EFNB3: variants seen among roughly 807,000 people sequenced by gnomAD.
EFNB3 encodes the protein ephrin-B3.
A neutral mutation model predicts 29.8 loss-of-function variants in EFNB3; 14 were observed. That is an observed-to-expected ratio of 0.47 (90% CI 0.31 to 0.73). EFNB3 has a LOEUF of 0.73. Ranked by LOEUF, EFNB3 falls within the 30% of genes least tolerant of loss-of-function variation. The pLI is 0.05. For missense variants in EFNB3, 408 were observed against 458.0 expected, an observed-to-expected ratio of 0.89 and a Z score of 1.00; for synonymous variants, 216 against 191.6, an observed-to-expected ratio of 1.13 and a Z score of -1.05.
chr17:7,705,541 C>A lies in EFNB3; in HGVS notation c.-58C>A. ...AGCCAGGCAGCCAAGGCAGCCACCC[C>A]GGGGGGTGGGCGACTTTGGGGGAGT... is the stretch of plus-strand genomic sequence containing the variant. On this transcript the variant is annotated 5_prime_UTR_variant, in exon 1 of 5. Coordinates refer to ENST00000226091, the MANE Select transcript of EFNB3 (RefSeq NM_001406.4). The surrounding 1 kb of genome is among the most constrained non-coding windows in gnomAD (Gnocchi z 5.4). The A allele has an allele frequency of 1.9e-6, 2 of 1,069,374 alleles. No individual in the cohort carries two copies. Among genetic ancestry groups the A allele is most frequent in the Non-Finnish European group, 2.5e-6 (2 of 787,150 alleles). 66.2% of individuals were successfully genotyped at this position (1,069,374 alleles called of 1,614,324 possible).
Position 7,710,968 on chromosome 17 carries a change from A to G in EFNB3, c.*1392A>G, listed in dbSNP as rs940812685. The G allele has an allele frequency of 7.9e-5, 12 of 152,638 alleles. No individual in the cohort carries two copies. The highest frequency in any genetic ancestry group is 2.9e-4 in the African/African-American group (12 of 41,434). The allele number at this position is 152,638 out of a possible 1,614,324, so 9.5% of individuals were successfully genotyped here. A position where few individuals can be genotyped will look rare whatever the true frequency, so the allele number is the denominator to read the frequency against. On this transcript the variant is annotated 3_prime_UTR_variant, in exon 5 of 5. Transcript: ENST00000226091. The stretch of plus-strand genomic sequence containing the variant: ...AACACAGTTCCCTTCTTAGTGACCA[A>G]AATGGTGGCCTACTGGCTGGTCTAG...
chr17:7,706,977 G>T (rs900597988), intron 1 of EFNB3, among the ~76,000 whole-genome samples: 2 of 152,176 alleles, frequency 1.3e-5, no homozygotes, highest in African/African-American at 4.8e-5. Flanking sequence ...GTGAGTATCA[G>T]GTGTGTAGCT....
chr17:7,709,440 C>A lies in EFNB3; in HGVS notation c.887C>A (p.Ala296Asp). 2 of 1,613,352 alleles carry A rather than the reference C, an allele frequency of 1.2e-6. No individual in the cohort carries two copies. The highest frequency in any genetic ancestry group is 1.7e-6 in the Non-Finnish European group (2 of 1,179,610). The change falls in exon 5 of 5, where the codon GCT becomes GAT. Residue 296 changes from alanine (A) to aspartate (D), a missense_variant. Ala to Asp is a moderately radical substitution (Grantham distance 126, BLOSUM62 -2). Coordinates refer to ENST00000226091, the MANE Select transcript of EFNB3 (RefSeq NM_001406.4). The surrounding 1 kb of genome is among the most constrained non-coding windows in gnomAD (Gnocchi z 4.5). ...GCTGAGCCTGGGGAGCTAGGGATAG[C>A]TCTGCGGGGTGGCGGGGCTGCAGAT... Reference protein sequence around the residue: ...REAEPGELGIALRGGGAADPP... With the variant: ...REAEPGELGIDLRGGGAADPP...
chr17:7,709,280 G>A lies in EFNB3; in HGVS notation c.727G>A (p.Ala243Thr). 1.3e-6 allele frequency: 2 copies of A among 1,582,618 alleles called. No homozygotes were observed. Among genetic ancestry groups the A allele is most frequent in the Non-Finnish European group, 8.6e-7 (1 of 1,168,272 alleles). ...GCTGGCGCTGCTCTTGCTGGGCGTG[G>A]CAGGGGCTGGGGGTGCCATGTGTTG... Reference protein sequence around the residue: ...GGLALLLLGVAGAGGAMCWRR... With the variant: ...GGLALLLLGVTGAGGAMCWRR... The change falls in exon 5 of 5, where the codon GCA (alanine) becomes ACA (threonine). Residue 243 changes from alanine to threonine, a missense_variant. By Grantham distance (58) the Ala-to-Thr change is moderately conservative. Coordinates refer to ENST00000226091, the MANE Select transcript of EFNB3 (RefSeq NM_001406.4). The surrounding 1 kb of genome is among the most constrained non-coding windows in gnomAD (Gnocchi z 4.5).
rs199860628 is a variant in EFNB3 at position 7,707,948 on chromosome 17, C to A, written c.123-10C>A. On this transcript the variant is annotated splice_polypyrimidine_tract_variant and intron_variant, in intron 1 of 4. Transcript: ENST00000226091. The stretch of plus-strand genomic sequence containing the variant: ...TCTCTTCCTTGTCCACCTTACCCTC[C>A]TCCCCATAGGTTCCAGGCAGAGGGT... 2.4e-5 allele frequency: 39 copies of A among 1,598,920 alleles called. No individual in the cohort carries two copies. The African/African-American group carries it at 4.8e-4, about 20-fold the overall frequency.
rs771347429 is a variant in EFNB3, at chr17:7,707,386, A to G, written c.123-572A>G. On this transcript the variant is annotated intron_variant, in intron 1 of 4. Transcript: ENST00000226091. ...TAGACCCTGGTTCCCATCAGCCCCA[A>G]TGATGGTCGTGGCCAAACCAGGCAT... Among the ~76,000 whole-genome samples the G allele has an allele frequency of 4.8e-4, 73 of 152,328 alleles. 1 individual carries two copies. Among genetic ancestry groups the G allele is most frequent in the Middle Eastern group, 3.4e-3 (1 of 294 alleles).
rs200891657 is a variant in EFNB3 at position 7,707,929 on chromosome 17, C to A, written c.123-29C>A. 12 of 1,574,574 alleles carry A rather than the reference C, an allele frequency of 7.6e-6. No homozygotes were observed. In the East Asian group the frequency reaches 2.5e-4, roughly 32 times the overall value. On this transcript the variant is annotated intron_variant, in intron 1 of 4. Transcript: ENST00000226091. ...GGGGGCCAGGCCTCTGACATCTCTTCCTTGTCCACCTTACCCTCCTCCCCA... is the reference window on the plus strand; with the variant it reads ...GGGGGCCAGGCCTCTGACATCTCTTACTTGTCCACCTTACCCTCCTCCCCA...
rs1567583943 is a variant in EFNB3 at position 7,709,753 on chromosome 17, C to T, written c.*177C>T. 1.4e-6 allele frequency: 1 copy of T among 709,446 alleles called. No individual in the cohort carries two copies. Among genetic ancestry groups the T allele is most frequent in the Admixed American group, 2.5e-5 (1 of 40,042 alleles). The allele number at this position is 709,446 out of a possible 1,614,324, so 43.9% of individuals were successfully genotyped here. On this transcript the variant is annotated 3_prime_UTR_variant, in exon 5 of 5. Transcript: ENST00000226091. The surrounding 1 kb of genome is among the most constrained non-coding windows in gnomAD (Gnocchi z 4.5). ...TAGGATTCCTTAGGATTCCCACTGC[C>T]CCACTTCCTGCCCTCCCGTTTGGCC...
At chr17:7,707,904 G>C in intron 1 of EFNB3, 54 bp from the exon 2 acceptor site, 1 of 1,537,056 alleles carries the variant, frequency 6.5e-7, no homozygotes, top group Non-Finnish European at 8.8e-7. Context: ...GGAAAGTTCT[G>C]GGGGCCAGGC....
intron 1 of EFNB3, among the ~76,000 whole-genome samples, chr17:7,706,798 T>C (rs1180864753): frequency 6.6e-6 from 1 of 152,228 alleles, no homozygotes; most frequent in Non-Finnish European, 1.5e-5. Context: ...GAATGTATTA[T>C]GTGCTCATTA....
chr17:7,705,577 C>A lies in EFNB3; in HGVS notation c.-22C>A. 2.2e-6 allele frequency: 3 copies of A among 1,356,978 alleles called. No homozygotes were observed. The highest frequency in any genetic ancestry group is 2.9e-6 in the Non-Finnish European group (3 of 1,027,632). 84.1% of individuals were successfully genotyped at this position (1,356,978 alleles called of 1,614,324 possible). A position where few individuals can be genotyped will look rare whatever the true frequency, so the allele number is the denominator to read the frequency against. On this transcript the variant is annotated 5_prime_UTR_variant, in exon 1 of 5. Transcript: ENST00000226091. This position sits in a 1 kb window ranked among gnomAD's most constrained non-coding sequence, Gnocchi z 5.4. ...CGACTTTGGGGGAGTTGGTGCCCCG[C>A]CCCCCAGGCCTTGGCGGGGTCATGG...
rs781311832 is a variant in EFNB3, at chr17:7,708,294, A to G, written c.415+44A>G. ...CACGATTGAGTGGGGGGCTCCTGATACTGAGCAGAGAGGGAGGGGGACCCC... is the reference window on the plus strand; with the variant it reads ...CACGATTGAGTGGGGGGCTCCTGATGCTGAGCAGAGAGGGAGGGGGACCCC... On this transcript the variant is annotated intron_variant, in intron 2 of 4. Transcript: ENST00000226091. The surrounding 1 kb of genome is among the most constrained non-coding windows in gnomAD (Gnocchi z 6.8). 1.3e-6 allele frequency: 2 copies of G among 1,597,296 alleles called. No homozygotes were observed. Among genetic ancestry groups the G allele is most frequent in the East Asian group, 4.5e-5 (2 of 44,768 alleles).
chr17:7,710,411 G>C lies in EFNB3; in HGVS notation c.*835G>C, dbSNP rs1326823192. On this transcript the variant is annotated 3_prime_UTR_variant, in exon 5 of 5. Coordinates refer to ENST00000226091, the MANE Select transcript of EFNB3 (RefSeq NM_001406.4). ...ATGCTGAATGGGCCACTTGGGACCG[G>C]AAGTGACTTGCTCCAGACAAGAGGT... 2 of 152,718 alleles carry C rather than the reference G, an allele frequency of 1.3e-5. No homozygotes were observed. The highest frequency in any genetic ancestry group is 2.9e-5 in the Non-Finnish European group (2 of 68,092). The allele number at this position is 152,718 out of a possible 1,614,324, so 9.5% of individuals were successfully genotyped here.
rs558375135 is a variant in EFNB3, at chr17:7,705,886, C to T, written c.122+166C>T. 5.9e-5 allele frequency among the ~76,000 whole-genome samples: 9 copies of T among 151,528 alleles called. No homozygotes were observed. Among genetic ancestry groups the T allele is most frequent in the Non-Finnish European group, 1.2e-4 (8 of 67,880 alleles). ...ACAGGTGATCTTGGGAGCCAGACTCCGGGTCCCACGCAGAGCTGGATGCGG... is the reference window on the plus strand; with the variant it reads ...ACAGGTGATCTTGGGAGCCAGACTCTGGGTCCCACGCAGAGCTGGATGCGG... On this transcript the variant is annotated intron_variant, in intron 1 of 4. Coordinates refer to ENST00000226091, the MANE Select transcript of EFNB3 (RefSeq NM_001406.4). The surrounding 1 kb of genome is among the most constrained non-coding windows in gnomAD (Gnocchi z 5.4).
Position 7,709,363 on chromosome 17 carries a change from G to A in EFNB3, c.810G>A (p.Gly270=), listed in dbSNP as rs2074340274. ...ESRHPGPGSF[G]RGGSLGLGGG... is the part of the protein sequence containing the mutation. ...GCCACCCTGGTCCTGGCTCCTTCGG[G>A]AGGGGAGGGTCTCTGGGCCTGGGGG... The change falls in exon 5 of 5, where the codon GGG becomes GGA. Residue 270 remains glycine, a synonymous_variant. Coordinates refer to ENST00000226091, the MANE Select transcript of EFNB3 (RefSeq NM_001406.4). The surrounding 1 kb of genome is among the most constrained non-coding windows in gnomAD (Gnocchi z 4.5). The A allele has an allele frequency of 1.3e-6, 2 of 1,578,606 alleles. No homozygotes were observed. Among genetic ancestry groups the A allele is most frequent in the Non-Finnish European group, 1.7e-6 (2 of 1,162,664 alleles).
At position 7,708,876 on chromosome 17, in the gene EFNB3, G is replaced by A. The variant is rs2074337979; in HGVS notation, c.613+137G>A. On this transcript the variant is annotated intron_variant, in intron 4 of 4. Transcript: ENST00000226091. This position sits in a 1 kb window ranked among gnomAD's most constrained non-coding sequence, Gnocchi z 6.8. ...AAAGAGGAGAAGAGAGGATGGGAGG[G>A]TGGGAGGGGAATGGAAACCAAATGA... 2.7e-6 allele frequency: 2 copies of A among 727,406 alleles called. No homozygotes were observed. The highest frequency in any genetic ancestry group is 3.0e-5 in the Admixed American group (1 of 33,872). The allele number at this position is 727,406 out of a possible 1,614,324, so 45.1% of individuals were successfully genotyped here.
In EFNB3 at chr17:7,711,136, T is replaced by C. The variant is rs2074348176; in HGVS notation, c.*1560T>C. 1 of 152,644 alleles carries C rather than the reference T, an allele frequency of 6.6e-6. No individual in the cohort carries two copies. Among genetic ancestry groups the C allele is most frequent in the African/African-American group, 2.4e-5 (1 of 41,446 alleles). 9.5% of individuals were successfully genotyped at this position (152,644 alleles called of 1,614,324 possible). A position where few individuals can be genotyped will look rare whatever the true frequency, so the allele number is the denominator to read the frequency against. On this transcript the variant is annotated 3_prime_UTR_variant, in exon 5 of 5. Transcript: ENST00000226091. ...ATCAAAGCTGTTGTTGGGCACCAGG[T>C]TGGCCACCTCAATCACCAGCCAAGA...
chr17:7,707,551 C>A (rs112243049), intron 1 of EFNB3, among the ~76,000 whole-genome samples: 3,417 of 152,250 alleles, frequency 0.022, 49 homozygotes, highest in African/African-American at 0.047. Flanking sequence ...AGGCTCTGCC[C>A]GCATGGTTGG....
At chr17:7,707,486 C>G (rs968617432) in intron 1 of EFNB3, among the ~76,000 whole-genome samples, 1 of 152,168 alleles carries the variant, frequency 6.6e-6, no homozygotes, top group African/African-American at 2.4e-5. Context: ...CTCCCTGAAC[C>G]GCCGCCCCCT....
Sources: allele counts gnomAD v4.1 joint callset (sites outside exome capture counted in the v4.1 genomes callset), GRCh38; gene constraint gnomAD v4.1.1; non-coding constraint Gnocchi (gnomAD v3.1); transcripts MANE v1.5; gene names NCBI Gene and HGNC (gene_info 2026-07-23, HGNC 2026-07-21).